The following PIKFYVE variants were observed in gnomAD, a reference collection of about 807,000 sequenced individuals.
The protein encoded by PIKFYVE is phosphoinositide kinase, FYVE-type zinc finger containing, also known as 1-phosphatidylinositol 3-phosphate 5-kinase.
A neutral mutation model predicts 257.9 loss-of-function variants in PIKFYVE; 122 were observed. The ratio of observed to expected loss-of-function variants is 0.47; its 90% CI spans 0.41 to 0.55. The LOEUF (loss-of-function observed/expected upper bound fraction) is 0.55, where lower values mean the gene tolerates loss of function less well. Among genes scored for constraint, PIKFYVE ranks in the 20% least tolerant of loss-of-function variants. PIKFYVE has a pLI of 0.00. For synonymous variants in PIKFYVE, 892 were observed against 868.9 expected, an observed-to-expected ratio of 1.03 and a Z score of -0.47; for missense variants, 2,160 against 2,536.6, an observed-to-expected ratio of 0.85 and a Z score of 3.19.
rs778006745 is a variant in PIKFYVE, at chr2:208,325,530, G to A, written c.2719G>A (p.Gly907Ser). ...GHEGAVQEQYGGGSIPWDPDI... is the reference protein window; with the variant it reads ...GHEGAVQEQYSGGSIPWDPDI... ...TGAGGGGGCTGTCCAAGAGCAGTAC[G>A]GTGGAGGTTCCATCCCCTGGGATCC... Residue 907 changes from glycine to serine, a missense_variant, in exon 20 of 42, where the codon GGT becomes AGT. Coordinates refer to ENST00000264380, the MANE Select transcript of PIKFYVE (RefSeq NM_015040.4). 8.7e-6 allele frequency: 14 copies of A among 1,614,022 alleles called. No individual in the cohort carries two copies. Among genetic ancestry groups the A allele is most frequent in the South Asian group, 2.2e-5 (2 of 91,086 alleles).
At position 208,304,925 on chromosome 2, in the gene PIKFYVE, C is replaced by T; in HGVS notation, c.1548C>T (p.Ser516=). 2 of 1,614,154 alleles carry T rather than the reference C, an allele frequency of 1.2e-6. No homozygotes were observed. The part of the protein sequence containing the change: ...TVDSDSAASI[S]LNVELDNVNF... Reference sequence around the variant, plus strand: ...ACAGTGACTCAGCCGCTTCTATCAGCCTGAACGTGGAGCTGGACAACGTGA... The same window carrying T: ...ACAGTGACTCAGCCGCTTCTATCAGTCTGAACGTGGAGCTGGACAACGTGA... The change falls in exon 12 of 42, where the codon AGC becomes AGT. Residue 516 remains serine (S), a synonymous_variant. Coordinates refer to ENST00000264380, the MANE Select transcript of PIKFYVE (RefSeq NM_015040.4).
rs192529275 is a variant in PIKFYVE at position 208,297,958 on chromosome 2, G to C, written c.912-683G>C. On this transcript the variant is annotated intron_variant, in intron 7 of 41. Transcript: ENST00000264380. ...ACAAATTTCTTGTAATTTTTCTACT[G>C]ACAAAATAGCATAATGTAATAATAT... Among the ~76,000 whole-genome samples the C allele has an allele frequency of 5.3e-5, 8 of 152,168 alleles. No individual in the cohort carries two copies. In the East Asian group the frequency reaches 1.5e-3, roughly 29 times the overall value.
At chr2:208,336,361 A>G (rs1353576290) in intron 27 of PIKFYVE, among the ~76,000 whole-genome samples, 161 bp downstream of exon 27, 1 of 152,196 alleles carries the variant, frequency 6.6e-6, no homozygotes, top group Non-Finnish European at 1.5e-5. Context: ...ATATTTTAAA[A>G]TATATGTGGT....
In PIKFYVE at chr2:208,320,350, T is replaced by G; in HGVS notation, c.2181T>G (p.Ile727Met). The G allele has an allele frequency of 1.2e-6, 2 of 1,612,098 alleles. No individual in the cohort carries two copies. The highest frequency in any genetic ancestry group is 1.7e-6 in the Non-Finnish European group (2 of 1,178,612). Residue 727 changes from isoleucine to methionine, a missense_variant, in exon 17 of 42, where the codon ATT becomes ATG. Ile to Met is a conservative substitution (Grantham distance 10). Transcript: ENST00000264380. ...CTAAGTTTACTTGCATTGATCCTAT[T>G]GTGCTTCAGGTAAGAATTTACTACT... ...EETKFTCIDP[I>M]VLQEREFLKN...
chr2:208,330,748 G>GTTTT, intron 23 of PIKFYVE, 54 bp downstream of exon 23: 4 of 1,202,894 alleles, frequency 3.3e-6, no homozygotes, highest in African/African-American at 1.9e-5. Context: ...TTATTTGTAT[G>GTTTT]TTTTTTTTTT....
At chr2:208,353,769 C>A in intron 39 of PIKFYVE, 129 bp from the exon 40 acceptor site, 1 of 1,071,772 alleles carries the variant, frequency 9.3e-7, no homozygotes, top group Non-Finnish European at 1.4e-6. Context: ...ATTCAATTTT[C>A]AGTTAAACTT....
In PIKFYVE at chr2:208,271,726, G is replaced by T. The variant is rs759666135; in HGVS notation, c.172+35G>T. ...ATTAAAGATAAGAGGTTTGATTCAGGTCTGATTGTTTGAAATGCTCCTTTG... is the reference window on the plus strand; with the variant it reads ...ATTAAAGATAAGAGGTTTGATTCAGTTCTGATTGTTTGAAATGCTCCTTTG... On this transcript the variant is annotated intron_variant, in intron 2 of 41. Coordinates refer to ENST00000264380, the MANE Select transcript of PIKFYVE (RefSeq NM_015040.4). 3.8e-6 allele frequency: 6 copies of T among 1,591,282 alleles called. No individual in the cohort carries two copies. In the East Asian group the frequency reaches 1.3e-4, roughly 36 times the overall value.
At chr2:208,351,626 C>A (rs112062350) in intron 38 of PIKFYVE, among the ~76,000 whole-genome samples, 171 bp downstream of exon 38, 4,345 of 152,132 alleles carry the variant, frequency 0.029, 196 homozygotes, top group African/African-American at 0.098. Flanking sequence ...GTATACAAAG[C>A]ATAGTGCTGG....
Position 208,285,737 on chromosome 2 carries a change from G to T in PIKFYVE, c.625G>T (p.Ala209Ser), listed in dbSNP as rs367770471. ...TTTTTTTCTCCTAGGAGACCTCCGA[G>T]CTTGCACATATTGTAGAAAAATAGC... ...KFMGYTGDLR[A>S]CTYCRKIALS... Residue 209 changes from alanine to serine, a missense_variant, in exon 6 of 42, where the codon GCT becomes TCT. Around this residue, in one of 12 missense-constraint regions of PIKFYVE, gnomAD observed 187 missense variants for 185.6 expected, o/e 1.01. Transcript: ENST00000264380. 1.4e-5 allele frequency: 22 copies of T among 1,613,660 alleles called. No homozygotes were observed. The highest frequency in any genetic ancestry group is 1.3e-4 in the South Asian group (12 of 91,058).
chr2:208,354,475 C>G, intron 40 of PIKFYVE, 96 bp from the exon 41 acceptor site: 1 of 1,148,096 alleles, frequency 8.7e-7, no homozygotes, highest in Non-Finnish European at 1.3e-6. Flanking sequence ...TAAAAGTTAA[C>G]TGTCATAGAA....
At chr2:208,280,950 T>G (rs1690726799) in intron 5 of PIKFYVE, among the ~76,000 whole-genome samples, 1 of 150,076 alleles carries the variant, frequency 6.7e-6, no homozygotes, top group African/African-American at 2.4e-5. Context: ...AAGTGCTGCC[T>G]ATTGGCCCCT....
At chr2:208,271,956 C>T (rs1689470564) in intron 2 of PIKFYVE, among the ~76,000 whole-genome samples, 1 of 152,116 alleles carries the variant, frequency 6.6e-6, no homozygotes, top group African/African-American at 2.4e-5. Flanking sequence ...AATGTTAGGC[C>T]AGGCGTGATG....
Position 208,337,048 on chromosome 2 carries a change from C to G in PIKFYVE, c.4611+120C>G, listed in dbSNP as rs1439767902. ...AGTAATGATATCCAGTAGGGTTTTCCATTTTGAATTTGTGAGGTTTCAAGG... is the reference window on the plus strand; with the variant it reads ...AGTAATGATATCCAGTAGGGTTTTCGATTTTGAATTTGTGAGGTTTCAAGG... On this transcript the variant is annotated intron_variant, in intron 28 of 41. Transcript: ENST00000264380. 4.0e-6 allele frequency: 3 copies of G among 751,326 alleles called. No individual in the cohort carries two copies. In the Admixed American group the frequency reaches 6.9e-5, roughly 17 times the overall value. 46.5% of individuals were successfully genotyped at this position (751,326 alleles called of 1,614,324 possible).
intron 13 of PIKFYVE, among the ~76,000 whole-genome samples, chr2:208,312,611 G>A (rs1190507929): frequency 6.6e-6 from 1 of 152,170 alleles, no homozygotes; most frequent in African/African-American, 2.4e-5. Flanking sequence ...ATAATATTAA[G>A]TATTGATATA....
At chr2:208,272,873 C>T (rs1689617418) in intron 2 of PIKFYVE, among the ~76,000 whole-genome samples, 1 of 152,036 alleles carries the variant, frequency 6.6e-6, no homozygotes, top group East Asian at 1.9e-4. Flanking sequence ...TACTCCCATA[C>T]CCAGTTTTCC....
Position 208,326,747 on chromosome 2 carries a change from T to G in PIKFYVE, c.3618+318T>G, listed in dbSNP as rs114153006. 3.4e-3 allele frequency among the ~76,000 whole-genome samples: 511 copies of G among 152,316 alleles called. 3 individuals carry two copies. Among genetic ancestry groups the G allele is most frequent in the African/African-American group, 0.012 (494 of 41,572 alleles). On this transcript the variant is annotated intron_variant, in intron 20 of 41. Coordinates refer to ENST00000264380, the MANE Select transcript of PIKFYVE (RefSeq NM_015040.4). The stretch of plus-strand genomic sequence containing the variant: ...TGACTTGGATGTGGTATGATAATCC[T>G]GGATCCTTGTGTCAGGGAGTGAGAG...
chr2:208,296,466 G>A (rs1049696681), intron 7 of PIKFYVE, among the ~76,000 whole-genome samples: 31 of 152,174 alleles, frequency 2.0e-4, no homozygotes, highest in African/African-American at 7.5e-4. Context: ...TTTGGTTTTA[G>A]ATGTGTTGAA....
intron 39 of PIKFYVE, 148 bp downstream of exon 39, chr2:208,352,930 C>T (rs770309141): frequency 2.0e-6 from 2 of 989,980 alleles, no homozygotes; most frequent in Non-Finnish European, 3.0e-6. Flanking sequence ...TTGACTTGCT[C>T]AGCCTTGGAG....
intron 27 of PIKFYVE, among the ~76,000 whole-genome samples, chr2:208,336,451 A>G (rs1213697871): frequency 1.3e-5 from 2 of 152,196 alleles, no homozygotes; most frequent in Non-Finnish European, 2.9e-5. Context: ...AATTTGAAAC[A>G]ATGTTGTTCA....
Sources: allele counts gnomAD v4.1 joint callset (sites outside exome capture counted in the v4.1 genomes callset), GRCh38; gene constraint gnomAD v4.1.1; regional missense constraint gnomAD v4.1.1; transcripts MANE v1.5; gene names NCBI Gene and HGNC (gene_info 2026-07-23, HGNC 2026-07-21).